The following SMG1 variants were observed in gnomAD, a reference collection of about 807,000 sequenced individuals.
SMG1 encodes the protein SMG1 nonsense mediated mRNA decay associated PI3K related kinase, also known as serine/threonine-protein kinase SMG1.
A neutral mutation model predicts 419.9 loss-of-function variants in SMG1; 22 were observed. The ratio of observed to expected loss-of-function variants is 0.05; its 90% CI spans 0.04 to 0.07. The LOEUF (loss-of-function observed/expected upper bound fraction) is 0.07. SMG1 is among the 10% of genes least tolerant of loss of function. SMG1 has a pLI of 1.00. For missense variants in SMG1, 3,185 were observed against 4,342.0 expected, an observed-to-expected ratio of 0.73 and a Z score of 7.49; for synonymous variants, 1,538 against 1,553.5, an observed-to-expected ratio of 0.99 and a Z score of 0.23.
intron 25 of SMG1, 69 bp from the exon 26 acceptor site, chr16:18,860,845 A>T: frequency 2.8e-6 from 2 of 722,374 alleles, no homozygotes; most frequent in Non-Finnish European, 4.6e-6. Flanking sequence ...AAAACAAACA[A>T]AAACAGAACA....
chr16:18,876,132 G>C lies in SMG1; in HGVS notation c.1882C>G (p.Leu628Val). 6.2e-7 allele frequency: 1 copy of C among 1,611,744 alleles called. No homozygotes were observed. The highest frequency in any genetic ancestry group is 8.5e-7 in the Non-Finnish European group (1 of 1,179,680). ...LTTIGNAKNS[L>V]IGMWALSPTV... ...TACAATTAAAGACTCACCCCTATTA[G>C]TGAGTTTTTGGCATTTCCAATTGTA... The change falls in exon 13 of 63, where the codon CTA becomes GTA. Residue 628 changes from leucine to valine, a missense_variant. This residue lies in a region of SMG1 where 297 missense variants were observed against 491.0 expected (regional missense o/e 0.60). Coordinates refer to ENST00000446231, the MANE Select transcript of SMG1 (RefSeq NM_015092.5).
intron 62 of SMG1, among the ~76,000 whole-genome samples, chr16:18,809,940 T>C (rs1225482924): frequency 6.6e-6 from 1 of 150,812 alleles, no homozygotes; most frequent in Non-Finnish European, 1.5e-5. Flanking sequence ...ACTCAGAAAA[T>C]CTCTCATGGT....
intron 62 of SMG1, among the ~76,000 whole-genome samples, chr16:18,811,365 A>G (rs1262323347): frequency 2.6e-5 from 4 of 152,148 alleles, no homozygotes; most frequent in Non-Finnish European, 5.9e-5. Context: ...CATCATGTCA[A>G]CTCTCAAAAT....
Position 18,860,722 on chromosome 16 carries a change from T to G in SMG1, c.3750A>C (p.Glu1250Asp), listed in dbSNP as rs2035170381. 3 of 1,559,594 alleles carry G rather than the reference T, an allele frequency of 1.9e-6. No homozygotes were observed. The highest frequency in any genetic ancestry group is 2.6e-6 in the Non-Finnish European group (3 of 1,150,202). ...GKFVECTEQLELLPGENINLL... is the reference protein window; with the variant it reads ...GKFVECTEQLDLLPGENINLL... ...GATTGATATTTTCTCCTGGTAACAA[T>G]TCTAACTGCTCGGTACATTCAACAA... The change falls in exon 26 of 63, where the codon GAA becomes GAC. Residue 1250 changes from glutamate (E) to aspartate (D), a missense_variant. Transcript: ENST00000446231.
intron 29 of SMG1, chr16:18,857,917 GAC>G (rs1220926421): frequency 8.3e-6 from 2 of 239,888 alleles, no homozygotes; most frequent in African/African-American, 4.6e-5. Context: ...CTTTAGTAAA[GAC>G]AAGTCTAATC....
At chr16:18,821,252 C>CTTTTTTTTTTTT (rs1201180176) in intron 55 of SMG1, among the ~76,000 whole-genome samples, 2 of 26,664 alleles carry the variant, frequency 7.5e-5, no homozygotes, top group Admixed American at 5.0e-4. Flanking sequence ...TTTTTTTTTT[C>CTTTTTTTTTTTT]TTTTTTTTTT....
intron 38 of SMG1, among the ~76,000 whole-genome samples, chr16:18,846,374 A>G (rs2034268950): frequency 6.6e-6 from 1 of 152,216 alleles, no homozygotes; most frequent in Non-Finnish European, 1.5e-5. Context: ...AAATTGAGCT[A>G]CATCAAAATT....
In SMG1 at chr16:18,819,582, C is replaced by A. The variant is rs761325385; in HGVS notation, c.9814G>T (p.Ala3272Ser). 9 of 1,599,318 alleles carry A rather than the reference C, an allele frequency of 5.6e-6. No individual in the cohort carries two copies. The East Asian group carries it at 2.0e-4, about 36-fold the overall frequency. ...KWAGGANPAL[A>S]PVLQDFEATI... Reference sequence around the variant, plus strand: ...GCTTCAAAATCTTGTAGTACAGGGGCCAATGCAGGGTTGGCACCACCTGCC... The same window carrying A: ...GCTTCAAAATCTTGTAGTACAGGGGACAATGCAGGGTTGGCACCACCTGCC... Residue 3272 changes from alanine to serine, a missense_variant, in exon 56 of 63, where the codon GCC becomes TCC. This residue lies in a region of SMG1 where 737 missense variants were observed against 846.6 expected (regional missense o/e 0.87). Coordinates refer to ENST00000446231, the MANE Select transcript of SMG1 (RefSeq NM_015092.5).
chr16:18,891,841 C>T (rs1054124664), intron 4 of SMG1, among the ~76,000 whole-genome samples: 9 of 152,336 alleles, frequency 5.9e-5, no homozygotes, highest in African/African-American at 9.6e-5. Flanking sequence ...CTCCCTCTGT[C>T]GCCCAGGTTG....
intron 1 of SMG1, among the ~76,000 whole-genome samples, chr16:18,901,241 T>G (rs1474645568): frequency 6.6e-6 from 1 of 152,170 alleles, no homozygotes; most frequent in African/African-American, 2.4e-5. Context: ...TTTCCTTTTT[T>G]GAGACAGGGT....
intron 55 of SMG1, among the ~76,000 whole-genome samples, chr16:18,821,252 C>CTTTTTTTTTTTTTTTTTTTTTTTTTTTT (rs1201180176): frequency 3.8e-5 from 1 of 26,666 alleles, no homozygotes; most frequent in Non-Finnish European, 7.6e-5. Context: ...TTTTTTTTTT[C>CTTTTTTTTTTTTTTTTTTTTTTTTTTTT]TTTTTTTTTT....
At position 18,876,401 on chromosome 16, in the gene SMG1, A is replaced by G. The variant is rs1480849947; in HGVS notation, c.1621-8T>C. On this transcript the variant is annotated splice_polypyrimidine_tract_variant and splice_region_variant and intron_variant, in intron 12 of 62. Coordinates refer to ENST00000446231, the MANE Select transcript of SMG1 (RefSeq NM_015092.5). ...ATGGGCTACAGCAACAACCTGAAAA[A>G]CAAAAAATTCAAGGAAGTGATAAAT... is the stretch of plus-strand genomic sequence containing the variant. 1 of 1,593,434 alleles carries G rather than the reference A, an allele frequency of 6.3e-7. No homozygotes were observed. The highest frequency in any genetic ancestry group is 2.2e-5 in the East Asian group (1 of 44,464).
intron 26 of SMG1, among the ~76,000 whole-genome samples, chr16:18,860,222 A>G (rs911806824): frequency 2.0e-5 from 3 of 152,364 alleles, no homozygotes; most frequent in Admixed American, 2.0e-4. Flanking sequence ...TGTCTCAACA[A>G]AAAAGAAAAT....
chr16:18,904,806 G>A (rs2037494750), intron 1 of SMG1, among the ~76,000 whole-genome samples: 1 of 151,908 alleles, frequency 6.6e-6, no homozygotes, highest in African/African-American at 2.4e-5. Context: ...GTGGTGGTGG[G>A]TGCCTGCAAT....
intron 40 of SMG1, 101 bp downstream of exon 40, chr16:18,842,107 A>G: frequency 1.6e-6 from 2 of 1,278,058 alleles, no homozygotes; most frequent in Non-Finnish European, 2.1e-6. Flanking sequence ...GACATACAGA[A>G]ATTCGCCTGA....
chr16:18,828,829 T>A (rs933601061), intron 54 of SMG1, among the ~76,000 whole-genome samples: 1 of 152,052 alleles, frequency 6.6e-6, no homozygotes, highest in Admixed American at 6.6e-5. Context: ...AGAAACCCCA[T>A]CTCTACTAAA....
chr16:18,866,306 T>C (rs2035501178), intron 23 of SMG1: 2 of 387,154 alleles, frequency 5.2e-6, no homozygotes, highest in Non-Finnish European at 9.6e-6. Flanking sequence ...ACTCTGACAA[T>C]AAAGGGTAAT....
chr16:18,872,132 A>G, intron 15 of SMG1, 52 bp downstream of exon 15: 1 of 1,115,820 alleles, frequency 9.0e-7, no homozygotes, highest in Non-Finnish European at 1.2e-6. Context: ...CTCAAATTAT[A>G]AAGGCAAATT....
At chr16:18,867,599 C>G (rs1445796426) in intron 22 of SMG1, among the ~76,000 whole-genome samples, 1 of 151,016 alleles carries the variant, frequency 6.6e-6, no homozygotes, top group Non-Finnish European at 1.5e-5. Flanking sequence ...TCAGAACTAC[C>G]TTTAAAGTTC....
Sources: gnomAD v4.1 joint callset for allele counts (sites outside exome capture counted in the v4.1 genomes callset) on GRCh38, gnomAD v4.1.1 for gene constraint, gnomAD v4.1.1 regional missense constraint, MANE v1.5 for transcripts, NCBI Gene and HGNC (gene_info 2026-07-23, HGNC 2026-07-21) for gene names.